Variants in XPA observed in about 807,000 individuals in gnomAD.
The protein encoded by XPA is XPA, DNA damage recognition and repair factor, also known as DNA repair protein complementing XP-A cells.
Under a neutral mutation model 35.7 loss-of-function variants are expected in XPA, and 27 were observed. The observed-to-expected ratio is 0.76, with a 90% CI of 0.56 to 1.04. The LOEUF is 1.04. Ranked by LOEUF, XPA falls within the 50% of genes least tolerant of loss-of-function variation. XPA has a pLI of 0.00. For synonymous variants in XPA, 133 were observed against 118.4 expected, an observed-to-expected ratio of 1.12 and a Z score of -0.80; for missense variants, 354 against 342.7, an observed-to-expected ratio of 1.03 and a Z score of -0.26.
At chr9:97,689,793 AAATT>A (rs1587748578) in intron 2 of XPA, among the ~76,000 whole-genome samples, 154 bp from the exon 3 acceptor site, 1 of 152,196 alleles carries the variant, frequency 6.6e-6, no homozygotes, top group South Asian at 2.1e-4. Flanking sequence ...CTAAAAAAAA[AAATT>A]AAAGAGGAAA....
the XPA span, among the ~76,000 whole-genome samples, chr9:97,656,639 C>T: frequency 6.6e-6 from 1 of 152,144 alleles, no homozygotes; most frequent in Non-Finnish European, 1.5e-5. Context: ...ATTCTGTATC[C>T]TCTTCACCTA....
chr9:97,675,652 T>G (rs1828339500), intron 5 of XPA, 65 bp from the exon 6 acceptor site: 21 of 1,594,794 alleles, frequency 1.3e-5, no homozygotes, highest in Non-Finnish European at 1.5e-5. Flanking sequence ...AAAATCCAAC[T>G]CCATCAAGCT....
chr9:97,675,673 T>A, intron 5 of XPA, 86 bp from the exon 6 acceptor site: 1 of 1,477,794 alleles, frequency 6.8e-7, no homozygotes. Context: ...TTCAGCCATG[T>A]ACATGTGTGT....
chr9:97,689,784 T>TAAA (rs202167208), intron 2 of XPA, 145 bp from the exon 3 acceptor site: 119 of 401,704 alleles, frequency 3.0e-4, no homozygotes, highest in African/African-American at 2.1e-3. Context: ...TATGTTTATC[T>TAAA]AAAAAAAAAA....
rs1828332236 is a variant in XPA, at chr9:97,675,528, C to T, written c.733G>A (p.Glu245Lys). 2 of 1,613,952 alleles carry T rather than the reference C, an allele frequency of 1.2e-6. No individual in the cohort carries two copies. The highest frequency in any genetic ancestry group is 1.7e-5 in the Admixed American group (1 of 60,002). The change falls in exon 6 of 6, where the codon GAG becomes AAG. Residue 245 changes from glutamate to lysine, a missense_variant. Transcript: ENST00000375128. ...TCTAGGTTTTCTTCTGGTCCATACTCATGTTGATGAACAATCGTCTCCCTT... is the reference window on the plus strand; with the variant it reads ...TCTAGGTTTTCTTCTGGTCCATACTTATGTTGATGAACAATCGTCTCCCTT... ...WKRETIVHQHEYGPEENLEDD... is the reference protein window; with the variant it reads ...WKRETIVHQHKYGPEENLEDD...
chr9:97,667,010 A>G, the XPA span: 1 of 637,410 alleles, frequency 1.6e-6, no homozygotes, highest in Non-Finnish European at 2.6e-6. Flanking sequence ...AATTTTTCTG[A>G]GCCCAATTTA....
At chr9:97,665,946 G>A in the XPA span, among the ~76,000 whole-genome samples, 1 of 152,214 alleles carries the variant, frequency 6.6e-6, no homozygotes, top group South Asian at 2.1e-4. Context: ...AAGTGAGAGT[G>A]GATCATCATA....
chr9:97,681,482 T>A (rs1828537248), intron 5 of XPA, among the ~76,000 whole-genome samples: 1 of 152,114 alleles, frequency 6.6e-6, no homozygotes, highest in African/African-American at 2.4e-5. Context: ...GGGACCCCCA[T>A]AAGAGATTTC....
intron 2 of XPA, 65 bp from the exon 3 acceptor site, chr9:97,689,704 T>C: frequency 1.1e-6 from 1 of 937,310 alleles, no homozygotes; most frequent in Non-Finnish European, 1.7e-6. Context: ...TTTCCTCTAT[T>C]TTATTAGCTT....
At chr9:97,658,661 A>G in the XPA span, 1 of 1,611,996 alleles carries the variant, frequency 6.2e-7, no homozygotes, top group Non-Finnish European at 8.5e-7. Flanking sequence ...ATCAGCGTAT[A>G]TTAGATATTG....
At chr9:97,666,781 T>C in the XPA span, 1 of 1,601,590 alleles carries the variant, frequency 6.2e-7, no homozygotes, top group Middle Eastern at 1.7e-4. Flanking sequence ...TTTGGGAAAT[T>C]TTGCACTCTA....
At chr9:97,655,921 AGTT>A in the XPA span, 1 of 1,387,466 alleles carries the variant, frequency 7.2e-7, no homozygotes, top group Non-Finnish European at 1.0e-6. Context: ...AAAACTTGTA[AGTT>A]GTTATAAGTT....
At chr9:97,693,846 C>G (rs527869263) in intron 1 of XPA, 87 bp from the exon 2 acceptor site, 717 of 1,177,448 alleles carry the variant, frequency 6.1e-4, no homozygotes, top group Non-Finnish European at 7.5e-4. Flanking sequence ...CCTTTGAATT[C>G]AATATATCTC....
At chr9:97,657,885 G>GCGCT in the XPA span, among the ~76,000 whole-genome samples, 94 of 113,996 alleles carry the variant, frequency 8.2e-4, no homozygotes, top group Middle Eastern at 5.3e-3. Flanking sequence ...GCCCCGGTAA[G>GCGCT]CTCTCTCTCT....
chr9:97,677,356 C>A (rs1364310018), intron 5 of XPA, among the ~76,000 whole-genome samples: 3 of 152,062 alleles, frequency 2.0e-5, no homozygotes. Flanking sequence ...TTAATACTTA[C>A]TAGACATTCC....
At chr9:97,688,925 G>A (rs1336978840) in intron 3 of XPA, among the ~76,000 whole-genome samples, 1 of 152,106 alleles carries the variant, frequency 6.6e-6, no homozygotes, top group African/African-American at 2.4e-5. Flanking sequence ...GACCTTCAAT[G>A]TGCAAAAGAT....
chr9:97,692,796 T>C (rs567702061), intron 2 of XPA, among the ~76,000 whole-genome samples: 6 of 152,272 alleles, frequency 3.9e-5, no homozygotes, highest in South Asian at 2.1e-4. Context: ...GTAATAATAA[T>C]GGAAATAAAG....
downstream of XPA, among the ~76,000 whole-genome samples, chr9:97,674,299 TTGAG>T (rs542105214): frequency 6.4e-3 from 955 of 150,108 alleles, 8 homozygotes; most frequent in Non-Finnish European, 9.5e-3. Flanking sequence ...GTATTAGTCA[TTGAG>T]TGTGAAGGTG....
the XPA span, among the ~76,000 whole-genome samples, chr9:97,667,324 A>G: frequency 1.3e-5 from 2 of 152,176 alleles, no homozygotes; most frequent in Admixed American, 6.5e-5. Context: ...TATTTTAGCC[A>G]TTTTGGAGGG....
Sources: allele counts gnomAD v4.1 joint callset (sites outside exome capture counted in the v4.1 genomes callset), GRCh38; gene constraint gnomAD v4.1.1; transcripts MANE v1.5; gene names NCBI Gene and HGNC (gene_info 2026-07-23, HGNC 2026-07-21).